HTRA3: variants seen among roughly 807,000 people sequenced by gnomAD.
The protein encoded by HTRA3 is serine protease HTRA3.
In HTRA3, 41 loss-of-function variants were observed where a neutral mutation model predicts 43.2. The ratio of observed to expected loss-of-function variants is 0.95; its 90% confidence interval spans 0.74 to 1.23. HTRA3 has a LOEUF of 1.23. Among genes scored for constraint, HTRA3 ranks in the 50% most tolerant of loss-of-function variants. The probability of loss-of-function intolerance (pLI) is 0.00; values close to 1 mark genes in which losing one functional copy is unlikely to be tolerated. For missense variants in HTRA3, 628 were observed against 647.1 expected, an observed-to-expected ratio of 0.97 and a Z score of 0.32; for synonymous variants, 295 against 287.9, an observed-to-expected ratio of 1.02 and a Z score of -0.25.
chr4:8,299,959 C>G (rs1713581186), intron 6 of HTRA3, among the ~76,000 whole-genome samples: 1 of 151,838 alleles, frequency 6.6e-6, no homozygotes, highest in Non-Finnish European at 1.5e-5. Flanking sequence ...TCTGCCTCAG[C>G]CTCCCACGTA....
At chr4:8,272,673 G>C (rs954148950) in intron 1 of HTRA3, among the ~76,000 whole-genome samples, 10 of 152,246 alleles carry the variant, frequency 6.6e-5, no homozygotes, top group Non-Finnish European at 1.2e-4. Context: ...CTCCAGAGGA[G>C]GCGCTTCTGT....
rs752981504 is a variant in HTRA3, at chr4:8,286,633, C to G, written c.558C>G (p.Ile186Met). ...SGFIMSEAGL[I>M]ITNAHVVSSN... The stretch of plus-strand genomic sequence containing the variant: ...TCATCATGTCAGAGGCCGGCCTGAT[C>G]ATCACCAATGCCCACGTGGTGTCCA... The change falls in exon 3 of 9, where the codon ATC becomes ATG. Residue 186 changes from isoleucine to methionine, a missense_variant. Physicochemically the swap from Ile to Met is conservative, Grantham distance 10. Transcript: ENST00000307358. This position sits in a 1 kb window ranked among gnomAD's most constrained non-coding sequence, Gnocchi z 4.9. The G allele has an allele frequency of 1.2e-6, 2 of 1,614,110 alleles. No homozygotes were observed. The highest frequency in any genetic ancestry group is 2.2e-5 in the South Asian group (2 of 91,088).
At position 8,296,205 on chromosome 4, in the gene HTRA3, T is replaced by A; in HGVS notation, c.1051+2004T>A. ...GTCCTCTTCCCTTCTTGCCTCTCTC[T>A]TTCTCCTGAGACAGGATCCCCCTGG... On this transcript the variant is annotated intron_variant, in intron 6 of 8. Coordinates refer to ENST00000307358, the MANE Select transcript of HTRA3 (RefSeq NM_053044.5). The surrounding 1 kb of genome is among the most constrained non-coding windows in gnomAD (Gnocchi z 5.3). 2.0e-6 allele frequency: 2 copies of A among 986,020 alleles called. No individual in the cohort carries two copies. Among genetic ancestry groups the A allele is most frequent in the Non-Finnish European group, 2.4e-6 (2 of 830,356 alleles). The allele number at this position is 986,020 out of a possible 1,614,324, so 61.1% of individuals were successfully genotyped here. A position where few individuals can be genotyped will look rare whatever the true frequency, so the allele number is the denominator to read the frequency against.
At chr4:8,302,613 T>C in intron 7 of HTRA3, 102 bp downstream of exon 7, 1 of 1,146,456 alleles carries the variant, frequency 8.7e-7, no homozygotes, top group East Asian at 2.4e-5. Context: ...TCCTTGCAGG[T>C]GCCCAGACGG....
rs1713822810 is a variant in HTRA3, at chr4:8,305,863, T to C, written c.1197-108T>C. On this transcript the variant is annotated intron_variant, in intron 8 of 8. Transcript: ENST00000307358. ...CTGTTCTTTCCCATCGAGATGACTT[T>C]TGTTGAAATGTTGTCATTGACCCTG... 6 of 1,239,180 alleles carry C rather than the reference T, an allele frequency of 4.8e-6. No individual in the cohort carries two copies. In the East Asian group the frequency reaches 1.4e-4, roughly 29 times the overall value. The allele number at this position is 1,239,180 out of a possible 1,614,324, so 76.8% of individuals were successfully genotyped here.
rs1712161987 is a variant in HTRA3 at position 8,269,758 on chromosome 4, G to A, written c.-211G>A. On this transcript the variant is annotated 5_prime_UTR_variant, in exon 1 of 9. Transcript: ENST00000307358. The stretch of plus-strand genomic sequence containing the variant: ...GGGACCCGCCGCCCGCGGACCGTCA[G>A]GCTGGAGGGAGCTGGTCCCTGCGCT... 6.4e-6 allele frequency: 1 copy of A among 156,680 alleles called. No individual in the cohort carries two copies. Among genetic ancestry groups the A allele is most frequent in the Non-Finnish European group, 1.4e-5 (1 of 71,660 alleles). 9.7% of individuals were successfully genotyped at this position (156,680 alleles called of 1,614,324 possible). A position where few individuals can be genotyped will look rare whatever the true frequency, so the allele number is the denominator to read the frequency against.
At chr4:8,274,738 C>T (rs956063584) in intron 1 of HTRA3, among the ~76,000 whole-genome samples, 63 of 152,206 alleles carry the variant, frequency 4.1e-4, no homozygotes, top group African/African-American at 1.5e-3. Flanking sequence ...TTTCCCTTTG[C>T]GCGTAACCAG....
chr4:8,290,156 C>T (rs1353826796), intron 3 of HTRA3, among the ~76,000 whole-genome samples: 2 of 152,272 alleles, frequency 1.3e-5, no homozygotes, highest in African/African-American at 2.4e-5. Context: ...TTGACTGAAG[C>T]TTCTTGAGCA....
Position 8,291,423 on chromosome 4 carries a change from G to T in HTRA3, c.762G>T (p.Glu254Asp). 6.2e-7 allele frequency: 1 copy of T among 1,613,494 alleles called. No homozygotes were observed. The highest frequency in any genetic ancestry group is 8.5e-7 in the Non-Finnish European group (1 of 1,180,022). Residue 254 changes from glutamate to aspartate, a missense_variant, in exon 4 of 9, where the codon GAG becomes GAT. Coordinates refer to ENST00000307358, the MANE Select transcript of HTRA3 (RefSeq NM_053044.5). ...ACTCGGCCGACCTGCGGCCTGGGGA[G>T]TTTGTGGTGGCCATCGGCAGTCCCT... ...LGHSADLRPG[E>D]FVVAIGSPFA...
At chr4:8,301,550 CTT>C (rs1366535009) in intron 6 of HTRA3, among the ~76,000 whole-genome samples, 1 of 152,040 alleles carries the variant, frequency 6.6e-6, no homozygotes, top group Non-Finnish European at 1.5e-5. Flanking sequence ...TTGATTCAGA[CTT>C]TTAATTATTT....
At chr4:8,301,710 TTAATA>T (rs1447176391) in intron 6 of HTRA3, among the ~76,000 whole-genome samples, 1 of 152,222 alleles carries the variant, frequency 6.6e-6, no homozygotes, top group Non-Finnish European at 1.5e-5. Context: ...CCTACAAATT[TTAATA>T]TATTATACAT....
At chr4:8,285,985 TGG>T (rs1226227631) in intron 2 of HTRA3, among the ~76,000 whole-genome samples, 1 of 152,198 alleles carries the variant, frequency 6.6e-6, no homozygotes, top group Non-Finnish European at 1.5e-5. Context: ...CCCCAGCCTC[TGG>T]GGAGCCTCCC....
chr4:8,285,024 G>C (rs561389580), intron 2 of HTRA3, among the ~76,000 whole-genome samples: 10 of 152,218 alleles, frequency 6.6e-5, no homozygotes, highest in Non-Finnish European at 1.0e-4. Context: ...GAGTGTCCCA[G>C]GCCCCTCTAC....
intron 5 of HTRA3, among the ~76,000 whole-genome samples, chr4:8,293,559 T>A (rs1371173359): frequency 1.3e-5 from 2 of 151,656 alleles, no homozygotes; most frequent in East Asian, 3.9e-4. Flanking sequence ...GAGTGTGAGG[T>A]CCCCAGGGGC....
chr4:8,292,405 A>G (rs775961333), intron 5 of HTRA3, 52 bp downstream of exon 5: 4 of 1,494,456 alleles, frequency 2.7e-6, no homozygotes, highest in Non-Finnish European at 3.7e-6. Flanking sequence ...TTCTTCTCAC[A>G]TGGGGGTGCT....
At chr4:8,287,051 G>A (rs1199530591) in intron 3 of HTRA3, among the ~76,000 whole-genome samples, 2 of 152,212 alleles carry the variant, frequency 1.3e-5, no homozygotes, top group Non-Finnish European at 2.9e-5. Context: ...GTGGGCTGTG[G>A]TCCCATATCA....
chr4:8,304,001 A>G (rs1218851684), intron 7 of HTRA3, among the ~76,000 whole-genome samples, 183 bp from the exon 8 acceptor site: 1 of 152,058 alleles, frequency 6.6e-6, no homozygotes, highest in African/African-American at 2.4e-5. Context: ...TATTGCTACC[A>G]CGTTTCTCTT....
chr4:8,288,894 C>G (rs763870552), intron 3 of HTRA3, among the ~76,000 whole-genome samples: 27 of 103,526 alleles, frequency 2.6e-4, no homozygotes, highest in Non-Finnish European at 5.5e-4. Context: ...TCCTTCCTTC[C>G]GTCCGTCCTT....
At chr4:8,278,554 C>CA (rs1337246732) in intron 1 of HTRA3, among the ~76,000 whole-genome samples, 6 of 152,178 alleles carry the variant, frequency 3.9e-5, no homozygotes. Flanking sequence ...TGGAAAGAGG[C>CA]AGTGGGAACC....
Sources: allele counts gnomAD v4.1 joint callset (sites outside exome capture counted in the v4.1 genomes callset), GRCh38; gene constraint gnomAD v4.1.1; non-coding constraint Gnocchi (gnomAD v3.1); transcripts MANE v1.5; gene names NCBI Gene and HGNC (gene_info 2026-07-23, HGNC 2026-07-21).